NAALADL2: variants seen among roughly 807,000 people sequenced by gnomAD.
NAALADL2 encodes N-acetylated alpha-linked acidic dipeptidase like 2.
NAALADL2 carries 76 observed loss-of-function variants against 87.2 expected under a neutral mutation model. The observed-to-expected ratio is 0.87, with a 90% CI of 0.72 to 1.05. The LOEUF is 1.05. NAALADL2 is among the 50% of genes least tolerant of loss of function. NAALADL2 has a pLI of 0.00. For synonymous variants in NAALADL2, 354 were observed against 331.0 expected (o/e 1.07, Z -0.75); for missense variants, 1,089 against 945.8 (o/e 1.15, Z -1.99).
At chr3:175,010,731 G>T (rs1000941440) in intron 1 of NAALADL2, among the ~76,000 whole-genome samples, 2 of 152,012 alleles carry the variant, frequency 1.3e-5, no homozygotes, top group African/African-American at 4.8e-5. Flanking sequence ...GCTTCCATTG[G>T]CATCCTTTAT....
At position 175,393,242 on chromosome 3, in the gene NAALADL2, C is replaced by T. The variant is rs531783722; in HGVS notation, c.1091-53987C>T. ...TGAGCCGAGATTGCACCACTGCAGT[C>T]CGCAGTCCGGCCTGGGCGACAGAGC... On this transcript the variant is annotated intron_variant, in intron 5 of 13. Coordinates refer to ENST00000454872, the MANE Select transcript of NAALADL2 (RefSeq NM_207015.3). Among the ~76,000 whole-genome samples, 721 of 121,732 alleles carry T rather than the reference C, an allele frequency of 5.9e-3. 1 individual carries two copies. The highest frequency in any genetic ancestry group is 9.1e-3 in the Non-Finnish European group (574 of 63,350). 79.9% of individuals were successfully genotyped at this position (121,732 alleles called of 152,430 possible).
chr3:175,111,554 A>G (rs1724194144), intron 2 of NAALADL2, among the ~76,000 whole-genome samples: 1 of 151,716 alleles, frequency 6.6e-6, no homozygotes, highest in Non-Finnish European at 1.5e-5. Context: ...TCAGATAGCT[A>G]CTGACATAAT....
intron 5 of NAALADL2, among the ~76,000 whole-genome samples, chr3:175,357,935 A>G (rs919736738): frequency 2.0e-5 from 3 of 152,176 alleles, no homozygotes; most frequent in African/African-American, 7.2e-5. Context: ...AGCTGACAAC[A>G]TGGAGCAGAC....
At chr3:175,636,184 C>T (rs530245332) in intron 11 of NAALADL2, among the ~76,000 whole-genome samples, 10 of 149,450 alleles carry the variant, frequency 6.7e-5, no homozygotes, top group Non-Finnish European at 7.4e-5. Flanking sequence ...TATTGATCCT[C>T]GGAAAATCCT....
intron 2 of NAALADL2, among the ~76,000 whole-genome samples, chr3:174,720,909 G>C (rs554382636): frequency 2.0e-5 from 3 of 152,086 alleles, no homozygotes; most frequent in Non-Finnish European, 4.4e-5. Flanking sequence ...GAAATGAAGC[G>C]CACAAAATGT....
intron 3 of NAALADL2, among the ~76,000 whole-genome samples, chr3:175,244,146 G>T (rs934361582): frequency 3.3e-5 from 5 of 152,050 alleles, no homozygotes; most frequent in Non-Finnish European, 7.4e-5. Flanking sequence ...AGCTAGCATG[G>T]TTGTTGATTA....
chr3:175,224,057 C>G (rs375818340), intron 2 of NAALADL2, among the ~76,000 whole-genome samples: 29 of 152,148 alleles, frequency 1.9e-4, no homozygotes, highest in African/African-American at 6.5e-4. Context: ...TAAAGAAAGA[C>G]AGAGAGAGAG....
chr3:175,630,183 A>G (rs1727564669), intron 11 of NAALADL2, among the ~76,000 whole-genome samples: 1 of 151,840 alleles, frequency 6.6e-6, no homozygotes, highest in African/African-American at 2.4e-5. Flanking sequence ...GAGAAACCAT[A>G]AAATGAAGTA....
At chr3:175,615,549 A>T (rs1172260991) in intron 10 of NAALADL2, among the ~76,000 whole-genome samples, 2 of 152,144 alleles carry the variant, frequency 1.3e-5, no homozygotes, top group African/African-American at 4.8e-5. Flanking sequence ...AAATATTGCT[A>T]AATCTTTAAT....
At chr3:174,579,408 G>GT (rs1351874766) in intron 2 of NAALADL2, among the ~76,000 whole-genome samples, 2 of 151,946 alleles carry the variant, frequency 1.3e-5, no homozygotes, top group African/African-American at 2.4e-5. Context: ...CAAGTAACAC[G>GT]TAGGTGAATG....
chr3:175,096,871 A>G lies in NAALADL2; in HGVS notation c.125A>G (p.Gln42Arg), dbSNP rs751833267. ...CAGTACTTAGACAATGATGACCTTC[A>G]AGCCACTGCCCTTGACTTAGAGTGG... ...HSQYLDNDDL[Q>R]ATALDLEWDM... The change falls in exon 2 of 14, where the codon CAA (glutamine) becomes CGA (arginine). Residue 42 changes from glutamine (Q) to arginine (R), a missense_variant. By Grantham distance (43) the Gln-to-Arg change is conservative (BLOSUM62 1). Transcript: ENST00000454872. 1 of 1,613,018 alleles carries G rather than the reference A, an allele frequency of 6.2e-7. No homozygotes were observed. The highest frequency in any genetic ancestry group is 8.5e-7 in the Non-Finnish European group (1 of 1,179,468).
intron 10 of NAALADL2, among the ~76,000 whole-genome samples, chr3:175,606,831 T>C (rs1242625777): frequency 2.0e-5 from 3 of 152,316 alleles, no homozygotes; most frequent in Non-Finnish European, 4.4e-5. Flanking sequence ...CACTTGCTTT[T>C]CCTGTAGACA....
intron 1 of NAALADL2, among the ~76,000 whole-genome samples, chr3:174,544,346 TATAACTATGTGAATATTTATA>T (rs1333372086): frequency 6.6e-6 from 1 of 152,240 alleles, no homozygotes; most frequent in Non-Finnish European, 1.5e-5. Context: ...TTTTTACATT[TATAACTATGTGAATATTTATA>T]ATAACTATGT....
At chr3:174,839,271 T>G (rs927627303) in intron 3 of NAALADL2, among the ~76,000 whole-genome samples, 3 of 152,154 alleles carry the variant, frequency 2.0e-5, no homozygotes, top group Non-Finnish European at 4.4e-5. Context: ...CAAATGGTAC[T>G]GGGATAATTG....
At chr3:175,737,751 C>G (rs930318840) in intron 12 of NAALADL2, among the ~76,000 whole-genome samples, 8 of 71,256 alleles carry the variant, frequency 1.1e-4, no homozygotes, top group African/African-American at 4.7e-4. Flanking sequence ...TTTTAACATT[C>G]TAACAGCCAA....
At position 175,258,324 on chromosome 3, in the gene NAALADL2, C is replaced by CAA. The variant is rs1287997792; in HGVS notation, c.939+1812_939+1813dup. Among the ~76,000 whole-genome samples the CAA allele has an allele frequency of 4.2e-3, 427 of 100,640 alleles. 6 individuals are homozygous for CAA. Among genetic ancestry groups the CAA allele is most frequent in the Admixed American group, 0.024 (237 of 9,776 alleles). The allele number at this position is 100,640 out of a possible 152,430, so 66.0% of individuals were successfully genotyped here. On this transcript the variant is annotated intron_variant, in intron 4 of 13. Transcript: ENST00000454872. The stretch of plus-strand genomic sequence containing the variant: ...GACTCCGTCCCTCCGCCCCCACCAC[C>CAA]AAAAAAAAAAAAAAAAAAAGAAAGA...
At chr3:174,546,708 A>G (rs1337794577) in intron 1 of NAALADL2, among the ~76,000 whole-genome samples, 3 of 151,968 alleles carry the variant, frequency 2.0e-5, no homozygotes, top group Non-Finnish European at 4.4e-5. Context: ...TTCATGCTTG[A>G]GCGCAGTGGA....
chr3:175,366,478 G>C (rs969219243), intron 5 of NAALADL2, among the ~76,000 whole-genome samples: 29 of 151,512 alleles, frequency 1.9e-4, no homozygotes, highest in Middle Eastern at 3.4e-3. Context: ...CCCACCAACA[G>C]TGTAAAAGTG....
intron 5 of NAALADL2, among the ~76,000 whole-genome samples, chr3:175,363,824 G>C (rs1012559130): frequency 6.8e-6 from 1 of 147,752 alleles, no homozygotes; most frequent in African/African-American, 2.5e-5. Flanking sequence ...ACATTCTTCT[G>C]GGTTTTGTAA....
Sources: gnomAD v4.1 joint callset for allele counts (sites outside exome capture counted in the v4.1 genomes callset) on GRCh38, gnomAD v4.1.1 for gene constraint, MANE v1.5 for transcripts, NCBI Gene and HGNC (gene_info 2026-07-23, HGNC 2026-07-21) for gene names.